Variants in SH3GL1 observed in about 807,000 individuals in gnomAD.
SH3GL1 encodes the protein SH3 domain containing GRB2 like 1, endophilin A2.
Under a neutral mutation model 48.8 loss-of-function variants are expected in SH3GL1, and 21 were observed. The observed-to-expected ratio is 0.43, with a 90% confidence interval of 0.30 to 0.62. The LOEUF (loss-of-function observed/expected upper bound fraction) is 0.62, where lower values mean the gene tolerates loss of function less well. Among genes scored for constraint, SH3GL1 ranks in the 20% least tolerant of loss-of-function variants. SH3GL1 has a pLI of 0.11. For synonymous variants in SH3GL1, 282 were observed against 217.5 expected (o/e 1.30, Z -2.61); for missense variants, 454 against 503.0 (o/e 0.90, Z 0.93).
intron 1 of SH3GL1, among the ~76,000 whole-genome samples, chr19:4,384,674 GGA>G (rs1973201968): frequency 1.3e-5 from 2 of 152,142 alleles, no homozygotes; most frequent in Admixed American, 6.5e-5. Context: ...GCAGAAACTT[GGA>G]GACTCTAAAT....
chr19:4,394,987 G>A (rs553909225), intron 1 of SH3GL1, among the ~76,000 whole-genome samples: 218 of 152,376 alleles, frequency 1.4e-3, no homozygotes, highest in Non-Finnish European at 2.8e-3. Context: ...AGGGGTCTGC[G>A]CCATCCCCGG....
Position 4,400,456 on chromosome 19 carries a change from C to A in SH3GL1, c.-88G>T. 8.6e-7 allele frequency: 1 copy of A among 1,166,130 alleles called. No individual in the cohort carries two copies. Among genetic ancestry groups the A allele is most frequent in the African/African-American group, 1.6e-5 (1 of 61,698 alleles). 72.2% of individuals were successfully genotyped at this position (1,166,130 alleles called of 1,614,324 possible). A position where few individuals can be genotyped will look rare whatever the true frequency, so the allele number is the denominator to read the frequency against. On this transcript the variant is annotated 5_prime_UTR_variant, in exon 1 of 10. Coordinates refer to ENST00000269886, the MANE Select transcript of SH3GL1 (RefSeq NM_003025.4). This position sits in a 1 kb window ranked among gnomAD's most constrained non-coding sequence, Gnocchi z 4.1. ...CGACCCTCTGCGCGCCTCAGCAGTC[C>A]CCGTCGGCGCCGCCTCCGCCACCCG...
At chr19:4,398,954 T>G (rs1200702993) in intron 1 of SH3GL1, among the ~76,000 whole-genome samples, 1 of 152,150 alleles carries the variant, frequency 6.6e-6, no homozygotes, top group Admixed American at 6.6e-5. Flanking sequence ...ACAATAGAGA[T>G]ATCTATCAAC....
intron 1 of SH3GL1, among the ~76,000 whole-genome samples, chr19:4,374,577 C>T (rs1377060149): frequency 6.6e-6 from 1 of 152,252 alleles, no homozygotes; most frequent in African/African-American, 2.4e-5. Flanking sequence ...GCCCGTCCGC[C>T]CTAGATGGGG....
At chr19:4,387,161 C>T (rs938532390) in intron 1 of SH3GL1, among the ~76,000 whole-genome samples, 6 of 152,200 alleles carry the variant, frequency 3.9e-5, no homozygotes, top group Non-Finnish European at 8.8e-5. Context: ...TGGTCTCGAT[C>T]TCCTGACCTC....
chr19:4,375,704 T>A (rs755653089), intron 1 of SH3GL1, among the ~76,000 whole-genome samples: 2 of 152,280 alleles, frequency 1.3e-5, no homozygotes, highest in African/African-American at 2.4e-5. Flanking sequence ...ATTTCTCATC[T>A]TGGGGACCAG....
intron 1 of SH3GL1, among the ~76,000 whole-genome samples, chr19:4,393,789 C>G (rs1973379588): frequency 2.0e-5 from 3 of 150,642 alleles, no homozygotes; most frequent in Admixed American, 2.0e-4. Context: ...GACTCTGTCT[C>G]AAACAAACAA....
At chr19:4,381,850 G>A (rs774557949) in intron 1 of SH3GL1, among the ~76,000 whole-genome samples, 3 of 151,168 alleles carry the variant, frequency 2.0e-5, no homozygotes, top group South Asian at 4.2e-4. Flanking sequence ...CCGCCGCCAC[G>A]CCCCGCTAAT....
intron 7 of SH3GL1, among the ~76,000 whole-genome samples, chr19:4,363,094 G>A (rs1039958349): frequency 6.6e-6 from 1 of 152,198 alleles, no homozygotes; most frequent in Non-Finnish European, 1.5e-5. Context: ...CATTCAGGGA[G>A]GGGAGCCTGG....
chr19:4,393,454 C>G (rs543472340), intron 1 of SH3GL1, among the ~76,000 whole-genome samples: 12 of 152,022 alleles, frequency 7.9e-5, no homozygotes, highest in Non-Finnish European at 1.6e-4. Flanking sequence ...AGCCTCCAGC[C>G]TAGGCAACAT....
At chr19:4,392,184 G>A (rs533353751) in intron 1 of SH3GL1, among the ~76,000 whole-genome samples, 3 of 152,294 alleles carry the variant, frequency 2.0e-5, no homozygotes, top group African/African-American at 7.2e-5. Context: ...CAGCACAAGG[G>A]TATACACTTT....
intron 3 of SH3GL1, among the ~76,000 whole-genome samples, chr19:4,366,078 T>TGG (rs1972771631): frequency 6.6e-6 from 1 of 152,160 alleles, no homozygotes; most frequent in East Asian, 1.9e-4. Context: ...TGGCCTCCTA[T>TGG]GGAGCCAGCA....
chr19:4,392,997 C>A (rs529563369), intron 1 of SH3GL1, among the ~76,000 whole-genome samples: 1 of 152,310 alleles, frequency 6.6e-6, no homozygotes, highest in African/African-American at 2.4e-5. Context: ...GTAGCTCACA[C>A]CTGCAATCCC....
At chr19:4,380,272 T>C (rs750894118) in intron 1 of SH3GL1, 4 of 152,400 alleles carry the variant, frequency 2.6e-5, no homozygotes, top group Non-Finnish European at 5.9e-5. Flanking sequence ...AATGAGTATT[T>C]ACCTGTGCCA....
At chr19:4,373,651 C>T (rs560085103) in intron 1 of SH3GL1, among the ~76,000 whole-genome samples, 90 of 152,320 alleles carry the variant, frequency 5.9e-4, no homozygotes, top group African/African-American at 2.0e-3. Flanking sequence ...CTGGAAGCCC[C>T]AGGCGTCCTC....
At position 4,367,765 on chromosome 19, in the gene SH3GL1, C is replaced by T. The variant is rs1223036547; in HGVS notation, c.46-771G>A. On this transcript the variant is annotated intron_variant, in intron 1 of 9. Coordinates refer to ENST00000269886, the MANE Select transcript of SH3GL1 (RefSeq NM_003025.4). This position sits in a 1 kb window ranked among gnomAD's most constrained non-coding sequence, Gnocchi z 4.2. ...CAGCGCCTGGGATGCGAAAAACAGCCCTGAAATGTCCCATGGAACATGGCG... is the reference window on the plus strand; with the variant it reads ...CAGCGCCTGGGATGCGAAAAACAGCTCTGAAATGTCCCATGGAACATGGCG... Among the ~76,000 whole-genome samples, 1 of 152,234 alleles carries T rather than the reference C, an allele frequency of 6.6e-6. No homozygotes were observed. The highest frequency in any genetic ancestry group is 2.4e-5 in the African/African-American group (1 of 41,458).
rs2144860666 is a variant in SH3GL1 at position 4,364,071 on chromosome 19, T to TGGCGCAGGAGC, written c.465+6_465+16dup. 8 of 1,611,820 alleles carry TGGCGCAGGAGC rather than the reference T, an allele frequency of 5.0e-6. No homozygotes were observed. In the East Asian group the frequency reaches 1.8e-4, roughly 36 times the overall value. ...CAGGGGGAAGGGACAGGCCCCAGGC[T>TGGCGCAGGAGC]GGCGCAGGAGCAGCACCTGGATCTC... On this transcript the variant is annotated intron_variant, in intron 5 of 9. Transcript: ENST00000269886.
rs755032679 is a variant in SH3GL1 at position 4,361,713 on chromosome 19, C to T, written c.994G>A (p.Val332Ile). ...TCGATCTGGTTGGTCAGCGTGATGA[C>T]GTCGCCCTCATGGAAGCCCAGCTCC... ...DGELGFHEGD[V>I]ITLTNQIDEN... The change falls in exon 10 of 10, where the codon GTC becomes ATC. Residue 332 changes from valine to isoleucine, a missense_variant. This residue lies in a region of SH3GL1 where 278 missense variants were observed against 246.8 expected (regional missense o/e 1.13). Transcript: ENST00000269886. The T allele has an allele frequency of 1.2e-4, 199 of 1,613,148 alleles. No homozygotes were observed. The highest frequency in any genetic ancestry group is 2.2e-4 in the East Asian group (10 of 44,894).
chr19:4,362,370 C>G lies in SH3GL1; in HGVS notation c.869G>C (p.Arg290Pro), dbSNP rs997768573. Residue 290 changes from arginine to proline, a missense_variant, in exon 9 of 10, where the codon CGA becomes CCA. By Grantham distance (103) the Arg-to-Pro change is moderately radical. This residue lies in a region of SH3GL1 where 278 missense variants were observed against 246.8 expected (regional missense o/e 1.13). Coordinates refer to ENST00000269886, the MANE Select transcript of SH3GL1 (RefSeq NM_003025.4). ...GGTCCGGATGGGCTTGTCGGAAGATCGGAAAGACGATGAAGCTAAACACAA... is the reference window on the plus strand; with the variant it reads ...GGTCCGGATGGGCTTGTCGGAAGATGGGAAAGACGATGAAGCTAAACACAA... The part of the protein sequence containing the change: ...APKIAASSSF[R>P]SSDKPIRTPS... 5 of 1,611,956 alleles carry G rather than the reference C, an allele frequency of 3.1e-6. No individual in the cohort carries two copies. The highest frequency in any genetic ancestry group is 2.2e-5 in the East Asian group (1 of 44,826).
Sources: allele counts gnomAD v4.1 joint callset (sites outside exome capture counted in the v4.1 genomes callset), GRCh38; gene constraint gnomAD v4.1.1; regional missense constraint gnomAD v4.1.1; non-coding constraint Gnocchi (gnomAD v3.1); transcripts MANE v1.5; gene names NCBI Gene and HGNC (gene_info 2026-07-23, HGNC 2026-07-21).